The following LTBP1 variants were observed in gnomAD, a reference collection of about 807,000 sequenced individuals.
The protein encoded by LTBP1 is latent transforming growth factor beta binding protein 1.
In LTBP1, 129 loss-of-function variants were observed where a neutral mutation model predicts 207.6. The ratio of observed to expected loss-of-function variants is 0.62; its 90% CI spans 0.54 to 0.72. The LOEUF is 0.72. LTBP1 is among the 30% of genes least tolerant of loss of function. The pLI is 0.00. For synonymous variants in LTBP1, 963 were observed against 833.7 expected, an observed-to-expected ratio of 1.16 and a Z score of -2.67; for missense variants, 2,281 against 2,217.2, an observed-to-expected ratio of 1.03 and a Z score of -0.58.
intron 3 of LTBP1, among the ~76,000 whole-genome samples, chr2:33,082,360 C>T (rs912968493): frequency 1.3e-5 from 2 of 150,502 alleles, no homozygotes; most frequent in African/African-American, 4.9e-5. Flanking sequence ...GCAGCACAAA[C>T]AGACTAGGAC....
intron 4 of LTBP1, among the ~76,000 whole-genome samples, chr2:33,115,324 T>C (rs559006462): frequency 1.3e-5 from 2 of 152,196 alleles, no homozygotes; most frequent in South Asian, 4.2e-4. Flanking sequence ...GAAAGAAGAT[T>C]AGCGGTTGCC....
chr2:33,087,483 C>T (rs900098235), intron 3 of LTBP1, among the ~76,000 whole-genome samples: 4 of 152,116 alleles, frequency 2.6e-5, no homozygotes, highest in Non-Finnish European at 5.9e-5. Flanking sequence ...GTTATACATT[C>T]TACTTTAAGA....
At chr2:33,154,789 G>A (rs921318287) in intron 5 of LTBP1, among the ~76,000 whole-genome samples, 4 of 152,168 alleles carry the variant, frequency 2.6e-5, no homozygotes, top group Admixed American at 6.5e-5. Context: ...TAGGCCGGGC[G>A]CGGTGGTTCA....
At chr2:33,303,610 A>C (rs2094031950) in intron 22 of LTBP1, among the ~76,000 whole-genome samples, 1 of 152,052 alleles carries the variant, frequency 6.6e-6, no homozygotes, top group African/African-American at 2.4e-5. Context: ...TCGGCCTCCC[A>C]AAGTGCTGGG....
intron 18 of LTBP1, among the ~76,000 whole-genome samples, chr2:33,277,795 T>TTCTTTCTTTCTCTCTCTC (rs1394277684): frequency 9.3e-6 from 1 of 107,968 alleles, no homozygotes; most frequent in Non-Finnish European, 1.9e-5. Context: ...CTTTCTTTCT[T>TTCTTTCTTTCTCTCTCTC]TCTCTCTCTC....
At chr2:33,287,299 T>A (rs1298751024) in intron 19 of LTBP1, among the ~76,000 whole-genome samples, 1 of 152,142 alleles carries the variant, frequency 6.6e-6, no homozygotes, top group Non-Finnish European at 1.5e-5. Context: ...TAACTAAAGG[T>A]TATAGGTAAT....
chr2:33,016,417 A>C (rs962358867), intron 2 of LTBP1, among the ~76,000 whole-genome samples: 2 of 152,226 alleles, frequency 1.3e-5, no homozygotes, highest in Non-Finnish European at 2.9e-5. Context: ...TTTTGTTCCT[A>C]ACCCACTACT....
intron 2 of LTBP1, among the ~76,000 whole-genome samples, chr2:33,017,770 GTA>G (rs1558519071): frequency 5.3e-5 from 8 of 152,190 alleles, no homozygotes; most frequent in African/African-American, 1.9e-4. Flanking sequence ...GCACCCACCA[GTA>G]CGCCTGGCTA....
At chr2:33,109,163 A>T (rs999145925) in intron 3 of LTBP1, among the ~76,000 whole-genome samples, 10 of 152,246 alleles carry the variant, frequency 6.6e-5, no homozygotes, top group African/African-American at 2.4e-4. Context: ...TAGCTCATTT[A>T]CCAGCTCCAA....
At position 32,947,460 on chromosome 2, in the gene LTBP1, AGCGG is replaced by A; in HGVS notation, c.139_142del (p.Gly47ProfsTer174). 1.4e-6 allele frequency: 2 copies of A among 1,443,378 alleles called. No individual in the cohort carries two copies. Among genetic ancestry groups the A allele is most frequent in the Non-Finnish European group, 1.8e-6 (2 of 1,100,788 alleles). 89.4% of individuals were successfully genotyped at this position (1,443,378 alleles called of 1,614,324 possible). ...CCTGGCAGCCGGCGCCTTGCCCCTG[AGCGG>A]GCCCCCGCGTTCGCGGACATTCAAC... On this transcript the variant is annotated frameshift_variant, in exon 1 of 34. Transcript: ENST00000404816. LOFTEE classifies it high-confidence loss of function.
At chr2:33,317,858 A>G (rs911455967) in intron 24 of LTBP1, 2 of 145,416 alleles carry the variant, frequency 1.4e-5, no homozygotes, top group Non-Finnish European at 3.0e-5. Flanking sequence ...ATGAACCACA[A>G]TGAAGAGGCA....
chr2:33,176,705 G>A (rs1271716838), intron 5 of LTBP1, among the ~76,000 whole-genome samples: 3 of 152,134 alleles, frequency 2.0e-5, no homozygotes, highest in African/African-American at 7.2e-5. Context: ...TTCCCAAGAT[G>A]TGGAGATGGC....
chr2:33,391,548 G>A (rs1348612645), intron 32 of LTBP1, among the ~76,000 whole-genome samples: 1 of 152,144 alleles, frequency 6.6e-6, no homozygotes, highest in Admixed American at 6.5e-5. Context: ...CAATCCCGTG[G>A]CTTACAGCTT....
chr2:33,028,541 G>A (rs953046423), intron 3 of LTBP1, among the ~76,000 whole-genome samples: 21 of 152,260 alleles, frequency 1.4e-4, no homozygotes, highest in African/African-American at 4.6e-4. Flanking sequence ...AGTGGCGAGC[G>A]CCTGTAATCC....
chr2:33,342,340 A>G (rs966938877), intron 24 of LTBP1, among the ~76,000 whole-genome samples: 1 of 152,218 alleles, frequency 6.6e-6, no homozygotes, highest in Non-Finnish European at 1.5e-5. Flanking sequence ...TGACTTCATC[A>G]GACTCTCTCT....
chr2:32,947,465 G>A lies in LTBP1; in HGVS notation c.141G>A (p.Gly47=). ...GLAAGALPLS[G]PPRSRTFNVA... is the part of the protein sequence containing the mutation. ...CAGCCGGCGCCTTGCCCCTGAGCGG[G>A]CCCCCGCGTTCGCGGACATTCAACG... Residue 47 remains glycine, a synonymous_variant, in exon 1 of 34, where the codon GGG becomes GGA. Transcript: ENST00000404816. 2 of 1,444,008 alleles carry A rather than the reference G, an allele frequency of 1.4e-6. No homozygotes were observed. Among genetic ancestry groups the A allele is most frequent in the Admixed American group, 2.6e-5 (1 of 38,502 alleles). The allele number at this position is 1,444,008 out of a possible 1,614,324, so 89.4% of individuals were successfully genotyped here.
In LTBP1 at chr2:33,180,636, A is replaced by G. The variant is rs75229033; in HGVS notation, c.1202-6220A>G. 7.4e-3 allele frequency among the ~76,000 whole-genome samples: 1,132 copies of G among 152,022 alleles called. 7 individuals are homozygous for G. Among genetic ancestry groups the G allele is most frequent in the Non-Finnish European group, 0.012 (826 of 67,976 alleles). On this transcript the variant is annotated intron_variant, in intron 5 of 33. Transcript: ENST00000404816. The stretch of plus-strand genomic sequence containing the variant: ...CTGGCTAATTTTTGGGATGTTTTAA[A>G]GTAGAGACGGGGGTATGCCTTGTTG...
At chr2:33,254,063 T>G (rs1051675467) in intron 11 of LTBP1, among the ~76,000 whole-genome samples, 1 of 151,704 alleles carries the variant, frequency 6.6e-6, no homozygotes, top group Non-Finnish European at 1.5e-5. Flanking sequence ...CTAATTTTCT[T>G]TTTGTATTTT....
intron 9 of LTBP1, among the ~76,000 whole-genome samples, chr2:33,227,896 C>A (rs2091538574): frequency 1.3e-5 from 2 of 148,848 alleles, no homozygotes; most frequent in South Asian, 4.3e-4. Flanking sequence ...CCTCTGCCTC[C>A]CAGATTCAAG....
Sources: gnomAD v4.1 joint callset for allele counts (sites outside exome capture counted in the v4.1 genomes callset) on GRCh38, gnomAD v4.1.1 for gene constraint, MANE v1.5 for transcripts, NCBI Gene and HGNC (gene_info 2026-07-23, HGNC 2026-07-21) for gene names.